The following TEAD1 variants were observed in gnomAD, a reference collection of about 807,000 sequenced individuals.
The protein encoded by TEAD1 is TEA domain transcription factor 1.
A neutral mutation model predicts 54.9 loss-of-function variants in TEAD1; 9 were observed. The observed-to-expected ratio is 0.16, with a 90% confidence interval of 0.10 to 0.29. The LOEUF is 0.29. Among genes scored for constraint, TEAD1 ranks in the 10% least tolerant of loss-of-function variants. The pLI, the probability that TEAD1 is intolerant of heterozygous loss-of-function variation, is 1.00. For missense variants in TEAD1, 387 were observed against 535.9 expected (o/e 0.72, Z 2.74); for synonymous variants, 200 against 187.8 (o/e 1.07, Z -0.53).
chr11:12,741,131 A>G (rs1162702363), intron 2 of TEAD1, among the ~76,000 whole-genome samples: 2 of 152,046 alleles, frequency 1.3e-5, no homozygotes, highest in African/African-American at 4.8e-5. Flanking sequence ...TAATCATGTA[A>G]TTTTGCTTTG....
intron 5 of TEAD1, among the ~76,000 whole-genome samples, chr11:12,870,908 T>C (rs1188680487): frequency 6.6e-6 from 1 of 151,878 alleles, no homozygotes; most frequent in East Asian, 1.9e-4. Flanking sequence ...AAAGAAAAAA[T>C]GTCTAGGACA....
chr11:12,723,422 AAAAC>A (rs1200505870), intron 2 of TEAD1, among the ~76,000 whole-genome samples: 4 of 152,214 alleles, frequency 2.6e-5, no homozygotes, highest in African/African-American at 9.6e-5. Context: ...TTACAGCGAA[AAAAC>A]AAACCAAACT....
At chr11:12,913,128 T>G (rs1361495532) in intron 10 of TEAD1, among the ~76,000 whole-genome samples, 3 of 152,142 alleles carry the variant, frequency 2.0e-5, no homozygotes, top group Non-Finnish European at 4.4e-5. Context: ...TTGCAAGGCG[T>G]AGTTGGATTA....
intron 3 of TEAD1, among the ~76,000 whole-genome samples, chr11:12,828,723 C>T (rs1189014760): frequency 7.0e-5 from 10 of 143,852 alleles, no homozygotes; most frequent in East Asian, 2.0e-4. Context: ...AAAATCTAAG[C>T]GAATGGTTTC....
At chr11:12,675,150 C>G (rs1164615040) in intron 1 of TEAD1, among the ~76,000 whole-genome samples, 3 of 149,954 alleles carry the variant, frequency 2.0e-5, no homozygotes, top group Non-Finnish European at 4.5e-5. Context: ...GCCGCCTGCA[C>G]GCGCACACAC....
intron 3 of TEAD1, among the ~76,000 whole-genome samples, chr11:12,835,403 C>T (rs575016845): frequency 7.2e-5 from 11 of 151,728 alleles, no homozygotes; most frequent in Non-Finnish European, 1.6e-4. Context: ...AGTGCAGTGG[C>T]GCAGTCTCGG....
At chr11:12,910,747 C>CTTTTTTTTTTTTT (rs5789752) in intron 10 of TEAD1, among the ~76,000 whole-genome samples, 33 of 119,916 alleles carry the variant, frequency 2.8e-4, no homozygotes, top group Non-Finnish European at 3.7e-4. Context: ...ACTTAATTTG[C>CTTTTTTTTTTTTT]TTTTTTTTTT....
At chr11:12,920,312 A>T (rs1564990819) in intron 10 of TEAD1, among the ~76,000 whole-genome samples, 1 of 152,252 alleles carries the variant, frequency 6.6e-6, no homozygotes. Flanking sequence ...CATCATGATG[A>T]ATAATACCAT....
intron 3 of TEAD1, among the ~76,000 whole-genome samples, chr11:12,834,763 C>CTTT (rs61145299): frequency 8.6e-5 from 9 of 104,746 alleles, no homozygotes; most frequent in Admixed American, 1.9e-4. Flanking sequence ...TGTGCCCACT[C>CTTT]TTTTTTTTTT....
intron 9 of TEAD1, among the ~76,000 whole-genome samples, chr11:12,887,435 T>C (rs764715953): frequency 7.2e-5 from 11 of 152,236 alleles, no homozygotes; most frequent in Middle Eastern, 3.4e-3. Context: ...TTAGTGGACA[T>C]GTGAGGGCCT....
rs1267329176 is a variant in TEAD1, at chr11:12,938,862, T to C, written c.*1640T>C. On this transcript the variant is annotated 3_prime_UTR_variant, in exon 13 of 13. Coordinates refer to ENST00000527636, the MANE Select transcript of TEAD1 (RefSeq NM_021961.6). Reference sequence around the variant, plus strand: ...AAGTGGTAGGAACATGTGCACACAATAGAACATGAAATAAGTTTTTTAACT... The same window carrying C: ...AAGTGGTAGGAACATGTGCACACAACAGAACATGAAATAAGTTTTTTAACT... 1 of 152,224 alleles carries C rather than the reference T, an allele frequency of 6.6e-6. No individual in the cohort carries two copies. The highest frequency in any genetic ancestry group is 2.4e-5 in the African/African-American group (1 of 41,460). 9.4% of individuals were successfully genotyped at this position (152,224 alleles called of 1,614,324 possible).
intron 2 of TEAD1, among the ~76,000 whole-genome samples, chr11:12,742,183 A>G (rs1376973611): frequency 2.0e-5 from 3 of 152,216 alleles, no homozygotes; most frequent in Non-Finnish European, 2.9e-5. Context: ...TCACAAATAC[A>G]TTTAGACTTT....
intron 2 of TEAD1, among the ~76,000 whole-genome samples, chr11:12,713,685 T>C (rs1457259769): frequency 6.6e-6 from 1 of 152,200 alleles, no homozygotes; most frequent in Non-Finnish European, 1.5e-5. Flanking sequence ...AGCGATCTTA[T>C]ATCTCATAGG....
intron 2 of TEAD1, among the ~76,000 whole-genome samples, chr11:12,695,638 G>A (rs1484454981): frequency 1.3e-5 from 2 of 152,210 alleles, no homozygotes; most frequent in African/African-American, 4.8e-5. Context: ...CCCATGATCT[G>A]TGAGGAATGT....
intron 2 of TEAD1, among the ~76,000 whole-genome samples, chr11:12,730,353 T>A (rs895885096): frequency 1.3e-5 from 2 of 152,018 alleles, no homozygotes; most frequent in Non-Finnish European, 2.9e-5. Context: ...AAGTGACTTG[T>A]TTAAGGGTAT....
At position 12,815,972 on chromosome 11, in the gene TEAD1, G is replaced by C. The variant is rs556493562; in HGVS notation, c.203-46278G>C. Among the ~76,000 whole-genome samples the C allele has an allele frequency of 4.9e-4, 74 of 152,324 alleles. No individual in the cohort carries two copies. In the Middle Eastern group the frequency reaches 0.017, roughly 35 times the overall value. On this transcript the variant is annotated intron_variant, in intron 3 of 12. Coordinates refer to ENST00000527636, the MANE Select transcript of TEAD1 (RefSeq NM_021961.6). The stretch of plus-strand genomic sequence containing the variant: ...TAAATTACATGTTACAGCACTTCAG[G>C]TTTTGATATGCCCAGGACTGAGGTC...
intron 10 of TEAD1, among the ~76,000 whole-genome samples, chr11:12,915,086 A>T (rs1371875924): frequency 6.6e-6 from 1 of 152,112 alleles, no homozygotes; most frequent in Non-Finnish European, 1.5e-5. Flanking sequence ...CATTTTTGCA[A>T]CCAGGTCATT....
chr11:12,896,079 T>G (rs1948310205), intron 9 of TEAD1, among the ~76,000 whole-genome samples: 1 of 152,152 alleles, frequency 6.6e-6, no homozygotes, highest in African/African-American at 2.4e-5. Context: ...CCATATAAAT[T>G]TTGCACACAG....
At chr11:12,681,131 A>G (rs555224897) in intron 2 of TEAD1, among the ~76,000 whole-genome samples, 1 of 152,302 alleles carries the variant, frequency 6.6e-6, no homozygotes, top group Middle Eastern at 3.4e-3. Context: ...TGAAGGAACC[A>G]TCAGCCCCAT....
Sources: gnomAD v4.1 joint callset for allele counts (sites outside exome capture counted in the v4.1 genomes callset) on GRCh38, gnomAD v4.1.1 for gene constraint, MANE v1.5 for transcripts, NCBI Gene and HGNC (gene_info 2026-07-23, HGNC 2026-07-21) for gene names.